ZNF318: variants seen among roughly 807,000 people sequenced by gnomAD.
The protein encoded by ZNF318 is zinc finger protein 318.
A neutral mutation model predicts 124.2 loss-of-function variants in ZNF318; 51 were observed. That is an observed-to-expected ratio of 0.41 (90% CI 0.33 to 0.52). The LOEUF (loss-of-function observed/expected upper bound fraction) is 0.52. Among genes scored for constraint, ZNF318 ranks in the 20% least tolerant of loss-of-function variants. The pLI, the probability that ZNF318 is intolerant of heterozygous loss-of-function variation, is 0.23. For synonymous variants in ZNF318, 1,090 were observed against 1,040.7 expected, an observed-to-expected ratio of 1.05 and a Z score of -0.91; for missense variants, 2,815 against 2,811.2, an observed-to-expected ratio of 1.00 and a Z score of -0.03.
intron 4 of ZNF318, 97 bp from the exon 5 acceptor site, chr6:43,352,573 G>A: frequency 8.9e-7 from 1 of 1,119,332 alleles, no homozygotes; most frequent in Non-Finnish European, 1.3e-6. Context: ...TTATCTGAAT[G>A]TAAGGATCCA....
At chr6:43,363,082 G>A (rs913279593) in intron 2 of ZNF318, among the ~76,000 whole-genome samples, 1 of 152,188 alleles carries the variant, frequency 6.6e-6, no homozygotes, top group Admixed American at 6.5e-5. Context: ...AAAGAAGACT[G>A]CTGCCCCAAA....
intron 2 of ZNF318, among the ~76,000 whole-genome samples, chr6:43,360,303 T>C (rs1779663659): frequency 6.6e-6 from 1 of 152,294 alleles, no homozygotes; most frequent in African/African-American, 2.4e-5. Context: ...CACATACATA[T>C]AGGCAGAAAT....
intron 9 of ZNF318, 90 bp downstream of exon 9, chr6:43,340,700 T>C: frequency 6.6e-7 from 1 of 1,521,726 alleles, no homozygotes; most frequent in Non-Finnish European, 9.0e-7. Context: ...GAAGTGTCAA[T>C]GGCTTTTTCT....
chr6:43,340,351 T>G lies in ZNF318; in HGVS notation c.3647A>C (p.Lys1216Thr), dbSNP rs752857580. Residue 1216 changes from lysine to threonine, a missense_variant, in exon 10 of 10, where the codon AAG (lysine) becomes ACG (threonine). Transcript: ENST00000361428. ...EKPKEEKKEK[K>T]AKAVKEVKED... is the part of the protein sequence containing the mutation. ...CTTTACTTCTTTCACAGCCTTTGCC[T>G]TTTTTTCTTTCTTCTCCTCCTTTGG... The G allele has an allele frequency of 1.2e-6, 2 of 1,613,990 alleles. No homozygotes were observed. The highest frequency in any genetic ancestry group is 2.2e-5 in the East Asian group (1 of 44,882).
rs1779367417 is a variant in ZNF318 at position 43,340,971 on chromosome 6, T to C, written c.3377-63A>G. On this transcript the variant is annotated intron_variant, in intron 8 of 9. Coordinates refer to ENST00000361428, the MANE Select transcript of ZNF318 (RefSeq NM_014345.3). The stretch of plus-strand genomic sequence containing the variant: ...TTCCACCCAGAATGACAGCAACCAA[T>C]GGAAATCCCACCACCCCTTTGCAGT... The C allele has an allele frequency of 1.6e-5, 19 of 1,224,240 alleles. No homozygotes were observed. In the South Asian group the frequency reaches 2.0e-4, roughly 13 times the overall value. 75.8% of individuals were successfully genotyped at this position (1,224,240 alleles called of 1,614,324 possible). A position where few individuals can be genotyped will look rare whatever the true frequency, so the allele number is the denominator to read the frequency against.
intron 5 of ZNF318, 78 bp downstream of exon 5, chr6:43,352,299 G>A (rs918209770): frequency 1.1e-6 from 1 of 887,950 alleles, no homozygotes; most frequent in Non-Finnish European, 1.5e-6. Context: ...TCAGGTTACT[G>A]AACCTGTGTG....
Position 43,337,415 on chromosome 6 carries a change from C to G in ZNF318, c.6583G>C (p.Gly2195Arg), listed in dbSNP as rs1344630127. 1 of 1,614,166 alleles carries G rather than the reference C, an allele frequency of 6.2e-7. No individual in the cohort carries two copies. The highest frequency in any genetic ancestry group is 2.2e-5 in the East Asian group (1 of 44,882). ...DKLCSPLSEPGDPSKCSSLEL... is the reference protein window; with the variant it reads ...DKLCSPLSEPRDPSKCSSLEL... ...AGGGAACTACATTTAGAAGGGTCAC[C>G]TGGCTCAGAGAGTGGAGAACACAGT... Residue 2195 changes from glycine to arginine, a missense_variant, in exon 10 of 10, where the codon GGT (glycine) becomes CGT (arginine). Physicochemically the swap from Gly to Arg is moderately radical, Grantham distance 125 (BLOSUM62 -2). Coordinates refer to ENST00000361428, the MANE Select transcript of ZNF318 (RefSeq NM_014345.3).
At position 43,355,471 on chromosome 6, in the gene ZNF318, G is replaced by A; in HGVS notation, c.1863C>T (p.Gly621=). 6.2e-7 allele frequency: 1 copy of A among 1,614,212 alleles called. No homozygotes were observed. The highest frequency in any genetic ancestry group is 1.1e-5 in the South Asian group (1 of 91,082). The change falls in exon 4 of 10, where the codon GGC becomes GGT. Residue 621 remains glycine, a synonymous_variant. Transcript: ENST00000361428. ...LAARTQERLH[G]KKPSLRSSAD... The stretch of plus-strand genomic sequence containing the variant: ...CTGAGGAGCGTAATGATGGCTTCTT[G>A]CCATGAAGTCGTTCCTGGGTGCGTG...
At chr6:43,344,685 T>G (rs1421043031) in intron 6 of ZNF318, among the ~76,000 whole-genome samples, 1 of 152,186 alleles carries the variant, frequency 6.6e-6, no homozygotes, top group Non-Finnish European at 1.5e-5. Context: ...TTCTGCTATT[T>G]AATGAGAATA....
chr6:43,355,507 A>C lies in ZNF318; in HGVS notation c.1827T>G (p.Ser609Arg), dbSNP rs1328458480. The change falls in exon 4 of 10, where the codon AGT (serine) becomes AGG (arginine). Residue 609 changes from serine to arginine, a missense_variant. Coordinates refer to ENST00000361428, the MANE Select transcript of ZNF318 (RefSeq NM_014345.3). ...IGLDIGVAEI[S>R]QLAARTQERL... Reference sequence around the variant, plus strand: ...GTTCCTGGGTGCGTGCAGCCAATTGACTAATCTCTGCTACTCCAATATCCA... The same window carrying C: ...GTTCCTGGGTGCGTGCAGCCAATTGCCTAATCTCTGCTACTCCAATATCCA... The C allele has an allele frequency of 6.2e-7, 1 of 1,614,136 alleles. No homozygotes were observed. The highest frequency in any genetic ancestry group is 1.7e-5 in the Admixed American group (1 of 60,016).
At chr6:43,365,111 ACACATCATTATACTC>A (rs1779741655) in intron 2 of ZNF318, among the ~76,000 whole-genome samples, 166 bp downstream of exon 2, 1 of 152,242 alleles carries the variant, frequency 6.6e-6, no homozygotes, top group African/African-American at 2.4e-5. Flanking sequence ...AACAGAGTCT[ACACATCATTATACTC>A]CTCCCACTTA....
Position 43,340,057 on chromosome 6 carries a change from G to A in ZNF318, c.3941C>T (p.Ala1314Val). The change falls in exon 10 of 10, where the codon GCT (alanine) becomes GTT (valine). Residue 1314 changes from alanine (A) to valine (V), a missense_variant. Coordinates refer to ENST00000361428, the MANE Select transcript of ZNF318 (RefSeq NM_014345.3). ...SKDKEDGKTE[A>V]GKAKPIKIKL... ...GATTTTGATAGGCTTTGCCTTCCCA[G>A]CTTCAGTTTTGCCATCCTCTTTGTC... The A allele has an allele frequency of 6.2e-7, 1 of 1,614,142 alleles. No individual in the cohort carries two copies. Among genetic ancestry groups the A allele is most frequent in the Non-Finnish European group, 8.5e-7 (1 of 1,180,028 alleles).
In ZNF318 at chr6:43,338,539, T is replaced by G; in HGVS notation, c.5459A>C (p.Glu1820Ala). The G allele has an allele frequency of 1.2e-6, 2 of 1,614,220 alleles. No homozygotes were observed. The highest frequency in any genetic ancestry group is 1.7e-5 in the Admixed American group (1 of 60,020). The change falls in exon 10 of 10, where the codon GAG becomes GCG. Residue 1820 changes from glutamate to alanine, a missense_variant. Physicochemically the swap from Glu to Ala is moderately radical, Grantham distance 107. Coordinates refer to ENST00000361428, the MANE Select transcript of ZNF318 (RefSeq NM_014345.3). ...CAAGTTGGGCTGTTTTACTTCTCCC[T>G]CCCACATGTATCTGTTTCCATGGTT... Reference protein sequence around the residue: ...NLNHGNRYMWEGEVKQPNLLM... With the variant: ...NLNHGNRYMWAGEVKQPNLLM...
chr6:43,337,499 G>C lies in ZNF318; in HGVS notation c.6499C>G (p.Pro2167Ala). ...AAGTCAACAAGGTCTGGAAGGCAAG[G>C]AGATGGCCCAAGGCCTGCAGAATTA... Reference protein sequence around the residue: ...TINSAGLGPSPCLPDLVDFVT... With the variant: ...TINSAGLGPSACLPDLVDFVT... The change falls in exon 10 of 10, where the codon CCT becomes GCT. Residue 2167 changes from proline to alanine, a missense_variant. Transcript: ENST00000361428. 1.2e-6 allele frequency: 2 copies of C among 1,614,180 alleles called. No individual in the cohort carries two copies. The highest frequency in any genetic ancestry group is 8.5e-7 in the Non-Finnish European group (1 of 1,180,038).
chr6:43,358,558 A>G (rs369293755), intron 2 of ZNF318, among the ~76,000 whole-genome samples: 13 of 141,354 alleles, frequency 9.2e-5, no homozygotes, highest in East Asian at 4.4e-4. Flanking sequence ...CACCGCGCCC[A>G]GCCTGTTTTG....
chr6:43,366,671 T>C (rs1418983074), intron 1 of ZNF318, among the ~76,000 whole-genome samples: 1 of 152,094 alleles, frequency 6.6e-6, no homozygotes, highest in Non-Finnish European at 1.5e-5. Context: ...GCTGGGATGT[T>C]GGTACGCACC....
At position 43,355,116 on chromosome 6, in the gene ZNF318, A is replaced by C. The variant is rs1779585438; in HGVS notation, c.2218T>G (p.Cys740Gly). The change falls in exon 4 of 10, where the codon TGC becomes GGC. Residue 740 changes from cysteine to glycine, a missense_variant. Around this residue, in one of 4 missense-constraint regions of ZNF318, gnomAD observed 1,377 missense variants for 1,353.5 expected, o/e 1.02. Coordinates refer to ENST00000361428, the MANE Select transcript of ZNF318 (RefSeq NM_014345.3). ...SGFQSSVAVR[C>G]MLPSAPSAPI... The stretch of plus-strand genomic sequence containing the variant: ...GCAGATGGGGCTGATGGCAACATGC[A>C]CCTGACTGCAACAGATGACTGAAAC... The C allele has an allele frequency of 6.2e-7, 1 of 1,614,214 alleles. No individual in the cohort carries two copies. Among genetic ancestry groups the C allele is most frequent in the South Asian group, 1.1e-5 (1 of 91,086 alleles).
At chr6:43,350,840 CATA>C (rs1779514594) in intron 5 of ZNF318, among the ~76,000 whole-genome samples, 1 of 152,132 alleles carries the variant, frequency 6.6e-6, no homozygotes, top group Non-Finnish European at 1.5e-5. Flanking sequence ...TAACTATTAT[CATA>C]ATAACTGGCT....
intron 3 of ZNF318, 143 bp from the exon 4 acceptor site, chr6:43,356,288 C>A (rs1779608106): frequency 1.1e-6 from 1 of 895,570 alleles, no homozygotes; most frequent in African/African-American, 1.7e-5. Flanking sequence ...GTATCCTTAG[C>A]CAGATTCAAA....
Sources: allele counts gnomAD v4.1 joint callset (sites outside exome capture counted in the v4.1 genomes callset), GRCh38; gene constraint gnomAD v4.1.1; regional missense constraint gnomAD v4.1.1; transcripts MANE v1.5; gene names NCBI Gene and HGNC (gene_info 2026-07-23, HGNC 2026-07-21).